The following DMD variants were observed in gnomAD, a reference collection of about 807,000 sequenced individuals.
DMD encodes the protein mutant dystrophin.
DMD carries 63 observed loss-of-function variants against 330.1 expected under a neutral mutation model. The ratio of observed to expected loss-of-function variants is 0.19; its 90% CI spans 0.16 to 0.24. DMD has a LOEUF of 0.24. Among genes scored for constraint, DMD ranks in the 10% least tolerant of loss-of-function variants. The pLI is 1.00. For missense variants in DMD, 3,344 were observed against 2,684.1 expected (o/e 1.25, Z -5.43); for synonymous variants, 1,223 against 959.8 (o/e 1.27, Z -5.07).
intron 1 of DMD, among the ~76,000 whole-genome samples, chrX:33,039,103 G>T (rs190118561): frequency 2.0e-3 from 223 of 111,943 alleles, no homozygotes; most frequent in Middle Eastern, 4.6e-3. Context: ...GCCTATGGGG[G>T]TTTCATATTC....
chrX:32,975,577 C>T (rs1278403599), intron 2 of DMD, among the ~76,000 whole-genome samples: 1 of 110,392 alleles, frequency 9.1e-6, no homozygotes, highest in Non-Finnish European at 1.9e-5. Flanking sequence ...GCATCTCTGG[C>T]ACCCAGTCAT....
At chrX:32,871,989 G>A (rs901806995) in intron 2 of DMD, among the ~76,000 whole-genome samples, 1 of 110,698 alleles carries the variant, frequency 9.0e-6, no homozygotes, top group Non-Finnish European at 1.9e-5. Context: ...GGCACTCCAG[G>A]CATGATTAAA....
chrX:32,818,072 A>G (rs2077905898), intron 5 of DMD, among the ~76,000 whole-genome samples: 1 of 112,104 alleles, frequency 8.9e-6, no homozygotes, highest in Non-Finnish European at 1.9e-5. Flanking sequence ...CTAAAATTAT[A>G]AATTGCTCAA....
At chrX:31,325,222 A>ACTCTT (rs1225400821) in intron 61 of DMD, among the ~76,000 whole-genome samples, 1 of 108,282 alleles carries the variant, frequency 9.2e-6, no homozygotes, top group Non-Finnish European at 1.9e-5. Context: ...TCTCTTCCCA[A>ACTCTT]CTCTTCTCTT....
At chrX:32,669,346 A>G (rs2061496223) in intron 9 of DMD, among the ~76,000 whole-genome samples, 1 of 111,720 alleles carries the variant, frequency 9.0e-6, no homozygotes, top group Non-Finnish European at 1.9e-5. Flanking sequence ...GCACTGTTTA[A>G]CATAACTACC....
At chrX:31,688,883 A>C (rs1345730926) in intron 52 of DMD, among the ~76,000 whole-genome samples, 3 of 111,845 alleles carry the variant, frequency 2.7e-5, no homozygotes, top group South Asian at 7.5e-4. Flanking sequence ...TGGTTATCTC[A>C]ATAGATGCAG....
chrX:32,781,946 A>G (rs2074807882), intron 7 of DMD, among the ~76,000 whole-genome samples: 1 of 111,592 alleles, frequency 9.0e-6, no homozygotes, highest in Admixed American at 9.6e-5. Context: ...AGATAGCAAG[A>G]TATCTCAGTT....
chrX:31,182,226 A>G (rs1444485542), intron 68 of DMD, among the ~76,000 whole-genome samples: 2 of 111,922 alleles, frequency 1.8e-5, no homozygotes, highest in Admixed American at 1.9e-4. Flanking sequence ...TAAAGAAGCA[A>G]GTTCTAAGAT....
chrX:32,926,254 C>T (rs1470957926), intron 2 of DMD, among the ~76,000 whole-genome samples: 1 of 111,635 alleles, frequency 9.0e-6, no homozygotes, highest in African/African-American at 3.3e-5. Context: ...AAAAGTTGGG[C>T]TCATAGAAGT....
intron 19 of DMD, among the ~76,000 whole-genome samples, chrX:32,493,131 T>TA (rs769720848): frequency 2.7e-5 from 3 of 111,231 alleles, no homozygotes; most frequent in South Asian, 3.7e-4. Context: ...TTTTAAAGAC[T>TA]AAAAAAAATA....
At chrX:31,603,409 A>G (rs751024036) in intron 55 of DMD, among the ~76,000 whole-genome samples, 1 of 111,771 alleles carries the variant, frequency 8.9e-6, no homozygotes, top group Non-Finnish European at 1.9e-5. Flanking sequence ...GATGATTAGA[A>G]AGTTGTCAAA....
intron 56 of DMD, among the ~76,000 whole-genome samples, chrX:31,504,489 G>C (rs1240517073): frequency 4.5e-5 from 5 of 111,414 alleles, no homozygotes; most frequent in South Asian, 3.8e-4. Context: ...TTATAACTTG[G>C]GCAAACACAG....
intron 2 of DMD, among the ~76,000 whole-genome samples, chrX:32,853,769 G>GAAAAAAAAAAAAAAAA (rs1162458210): frequency 1.8e-4 from 10 of 56,062 alleles, no homozygotes; most frequent in Non-Finnish European, 2.8e-4. Context: ...CACAGTGACA[G>GAAAAAAAAAAAAAAAA]AAAAAAAAAA....
At chrX:32,260,988 A>G (rs1314975299) in intron 43 of DMD, among the ~76,000 whole-genome samples, 1 of 107,606 alleles carries the variant, frequency 9.3e-6, no homozygotes, top group East Asian at 2.8e-4. Context: ...CCTCTGGCCT[A>G]GGAGGTTAGA....
At chrX:32,725,155 A>T (rs767442579) in intron 7 of DMD, among the ~76,000 whole-genome samples, 1 of 111,414 alleles carries the variant, frequency 9.0e-6, no homozygotes, top group South Asian at 3.7e-4. Flanking sequence ...CAGTTAAAAT[A>T]AACGTACCAG....
intron 44 of DMD, among the ~76,000 whole-genome samples, chrX:32,056,225 A>G (rs894121132): frequency 3.9e-4 from 43 of 110,267 alleles, no homozygotes; most frequent in African/African-American, 1.3e-3. Context: ...AAAGACTTAG[A>G]AAAAGAAGGA....
Position 31,571,254 on chromosome X carries a change from G to GTGTGTGT in DMD, c.8217+56418_8217+56419insACACACA, listed in dbSNP as rs2075798338. Among the ~76,000 whole-genome samples, 198 of 90,448 alleles carry GTGTGTGT rather than the reference G, an allele frequency of 2.2e-3. 1 individual carries two copies. The highest frequency in any genetic ancestry group is 7.5e-3 in the African/African-American group (180 of 23,878). The allele number at this position is 90,448 out of a possible 115,157, so 78.5% of individuals were successfully genotyped here. A position where few individuals can be genotyped will look rare whatever the true frequency, so the allele number is the denominator to read the frequency against. ...AGTTACATGATAAAAGATTTAAAGG[G>GTGTGTGT]GTGTGTGTGTGTGTGTGTGTGTGTG... On this transcript the variant is annotated intron_variant, in intron 55 of 78. Transcript: ENST00000357033.
intron 60 of DMD, among the ~76,000 whole-genome samples, chrX:31,374,823 AAAAT>A (rs749126843): frequency 5.2e-4 from 58 of 110,895 alleles, no homozygotes; most frequent in Admixed American, 2.3e-3. Context: ...AAAGTATAAT[AAAAT>A]AAATAAATAA....
intron 49 of DMD, among the ~76,000 whole-genome samples, chrX:31,836,316 TTG>T (rs2093197238): frequency 8.9e-6 from 1 of 112,424 alleles, no homozygotes; most frequent in South Asian, 3.7e-4. Context: ...ACGGACCATA[TTG>T]TGATTCTTTA....
Sources: allele counts gnomAD v4.1 joint callset (sites outside exome capture counted in the v4.1 genomes callset), GRCh38; gene constraint gnomAD v4.1.1; transcripts MANE v1.5; gene names NCBI Gene and HGNC (gene_info 2026-07-23, HGNC 2026-07-21).